The following CDYL2 variants were observed in gnomAD, a reference collection of about 807,000 sequenced individuals.
The protein encoded by CDYL2 is chromodomain Y-like protein 2.
Under a neutral mutation model 49.4 loss-of-function variants are expected in CDYL2, and 23 were observed. The ratio of observed to expected loss-of-function variants is 0.47; its 90% CI spans 0.34 to 0.66. The LOEUF (loss-of-function observed/expected upper bound fraction) is 0.66, where lower values mean the gene tolerates loss of function less well. Among genes scored for constraint, CDYL2 ranks in the 30% least tolerant of loss-of-function variants. The probability of loss-of-function intolerance (pLI) is 0.01; values close to 1 mark genes in which losing one functional copy is unlikely to be tolerated. For missense variants in CDYL2, 678 were observed against 656.4 expected, an observed-to-expected ratio of 1.03 and a Z score of -0.36; for synonymous variants, 360 against 268.8, an observed-to-expected ratio of 1.34 and a Z score of -3.32.
chr16:80,629,462 C>T (rs1301944784), intron 3 of CDYL2, among the ~76,000 whole-genome samples: 2 of 152,202 alleles, frequency 1.3e-5, no homozygotes, highest in Non-Finnish European at 2.9e-5. Flanking sequence ...TGCATGTCTG[C>T]TGTGTTCCTG....
At chr16:80,751,013 C>A (rs949276351) in intron 1 of CDYL2, among the ~76,000 whole-genome samples, 4 of 126,554 alleles carry the variant, frequency 3.2e-5, no homozygotes, top group African/African-American at 1.7e-4. Flanking sequence ...GAGTGAGATT[C>A]CATCTTAAAA....
At position 80,688,616 on chromosome 16, in the gene CDYL2, C is replaced by T. The variant is rs962258129; in HGVS notation, c.25-3487G>A. Reference sequence around the variant, plus strand: ...TTTTCCTGAAACACTGGAATAACCACAAAAAACTCAGGGGAAAGCTGGCTC... The same window carrying T: ...TTTTCCTGAAACACTGGAATAACCATAAAAAACTCAGGGGAAAGCTGGCTC... On this transcript the variant is annotated intron_variant, in intron 1 of 6. Transcript: ENST00000570137. 6.6e-5 allele frequency among the ~76,000 whole-genome samples: 10 copies of T among 152,236 alleles called. No individual in the cohort carries two copies. The East Asian group carries it at 1.5e-3, about 24-fold the overall frequency.
chr16:80,598,915 C>T lies in CDYL2; in HGVS notation c.*5473G>A, dbSNP rs535110258. On this transcript the variant is annotated 3_prime_UTR_variant, in exon 7 of 7. Transcript: ENST00000570137. ...TAGAATAATGGAATTCTTTGGTTCT[C>T]GGTTTTATGAAAGGCAATATTGTCA... 2.6e-5 allele frequency: 4 copies of T among 152,114 alleles called. No individual in the cohort carries two copies. Among genetic ancestry groups the T allele is most frequent in the East Asian group, 3.9e-4 (2 of 5,180 alleles). 9.4% of individuals were successfully genotyped at this position (152,114 alleles called of 1,614,324 possible).
intron 1 of CDYL2, among the ~76,000 whole-genome samples, chr16:80,782,568 C>T (rs78051927): frequency 0.014 from 2,159 of 149,492 alleles, 17 homozygotes; most frequent in Non-Finnish European, 0.023. Context: ...GGCCAATATC[C>T]CTGACAATAT....
chr16:80,783,745 G>C (rs1343933398), intron 1 of CDYL2, among the ~76,000 whole-genome samples: 7 of 152,136 alleles, frequency 4.6e-5, no homozygotes, highest in Non-Finnish European at 7.4e-5. Context: ...CTGATTACAA[G>C]CTACAACATG....
In CDYL2 at chr16:80,781,980, T is replaced by A. The variant is rs150080185; in HGVS notation, c.24+22170A>T. On this transcript the variant is annotated intron_variant, in intron 1 of 6. Transcript: ENST00000570137. ...AAGACATCAATAACCTAACTGCATA[T>A]CTTGAGTAAATTTAAAAAAGAGCAA... Among the ~76,000 whole-genome samples the A allele has an allele frequency of 3.6e-3, 548 of 151,760 alleles. 1 individual carries two copies. The highest frequency in any genetic ancestry group is 0.012 in the African/African-American group (518 of 41,456).
rs1172942853 is a variant in CDYL2, at chr16:80,685,055, C to T, written c.99G>A (p.Gly33=). The T allele has an allele frequency of 1.9e-6, 3 of 1,614,034 alleles. No homozygotes were observed. The highest frequency in any genetic ancestry group is 2.5e-6 in the Non-Finnish European group (3 of 1,180,044). The change falls in exon 2 of 7, where the codon GGG becomes GGA. Residue 33 remains glycine (G), a synonymous_variant. Coordinates refer to ENST00000570137, the MANE Select transcript of CDYL2 (RefSeq NM_152342.4). ...CCGGCTCCCACGTGTCCTCGGTGCT[C>T]CCGTAGCCTTTCCATCGGATAAGAT... ...WEYLIRWKGY[G]STEDTWEPEH...
At chr16:80,616,784 T>A (rs112909112) in intron 4 of CDYL2, among the ~76,000 whole-genome samples, 2 of 152,212 alleles carry the variant, frequency 1.3e-5, no homozygotes, top group Non-Finnish European at 2.9e-5. Context: ...CAAGAACATA[T>A]TAGTGCCAGG....
At chr16:80,682,496 A>C (rs1910006629) in intron 2 of CDYL2, among the ~76,000 whole-genome samples, 1 of 152,194 alleles carries the variant, frequency 6.6e-6, no homozygotes, top group African/African-American at 2.4e-5. Flanking sequence ...CTCACCGCAG[A>C]AGATTGCACA....
At chr16:80,635,050 C>G (rs989710435) in intron 2 of CDYL2, among the ~76,000 whole-genome samples, 10 of 152,180 alleles carry the variant, frequency 6.6e-5, no homozygotes, top group African/African-American at 1.9e-4. Context: ...TGATATCTCT[C>G]ATGAACACAG....
intron 4 of CDYL2, among the ~76,000 whole-genome samples, chr16:80,616,500 C>A (rs1008471389): frequency 1.3e-5 from 2 of 152,142 alleles, no homozygotes; most frequent in Non-Finnish European, 2.9e-5. Context: ...CTGGAGCAAT[C>A]GGCATTTCTC....
chr16:80,685,685 C>T (rs972593322), intron 1 of CDYL2, among the ~76,000 whole-genome samples: 2 of 152,168 alleles, frequency 1.3e-5, no homozygotes, highest in African/African-American at 2.4e-5. Flanking sequence ...CTCATTTTCT[C>T]GTGGACAAAA....
At chr16:80,747,297 G>A (rs932437385) in intron 1 of CDYL2, among the ~76,000 whole-genome samples, 4 of 152,120 alleles carry the variant, frequency 2.6e-5, no homozygotes, top group African/African-American at 7.2e-5. Flanking sequence ...TCAAATCCCA[G>A]CCTGGCAGTT....
intron 1 of CDYL2, among the ~76,000 whole-genome samples, chr16:80,783,557 C>T (rs1402049891): frequency 6.6e-6 from 1 of 152,082 alleles, no homozygotes; most frequent in Non-Finnish European, 1.5e-5. Context: ...ATATGCAGAT[C>T]CACAATAATG....
chr16:80,654,124 G>A (rs1178985797), intron 2 of CDYL2, among the ~76,000 whole-genome samples: 2 of 152,228 alleles, frequency 1.3e-5, no homozygotes, highest in Admixed American at 6.5e-5. Context: ...GGTGATTTGG[G>A]GAAGAAGGGT....
chr16:80,671,538 G>A (rs1567564320), intron 2 of CDYL2, among the ~76,000 whole-genome samples: 2 of 152,102 alleles, frequency 1.3e-5, no homozygotes, highest in South Asian at 2.1e-4. Context: ...AACATGCTCT[G>A]GGCTCTCCTC....
intron 1 of CDYL2, among the ~76,000 whole-genome samples, chr16:80,689,618 G>C (rs1044540463): frequency 6.6e-6 from 1 of 152,192 alleles, no homozygotes; most frequent in Non-Finnish European, 1.5e-5. Context: ...AGCAAAGCAT[G>C]AACCATTGGA....
At chr16:80,789,071 TATC>T (rs1365479320) in intron 1 of CDYL2, among the ~76,000 whole-genome samples, 1 of 152,066 alleles carries the variant, frequency 6.6e-6, no homozygotes, top group African/African-American at 2.4e-5. Flanking sequence ...CACAGTGAGA[TATC>T]ATCTTAAACC....
intron 1 of CDYL2, among the ~76,000 whole-genome samples, chr16:80,707,164 C>G (rs1904433648): frequency 6.6e-6 from 1 of 152,054 alleles, no homozygotes; most frequent in Non-Finnish European, 1.5e-5. Context: ...AATTTTTAGA[C>G]AATAAAAATA....
Sources: gnomAD v4.1 joint callset for allele counts (sites outside exome capture counted in the v4.1 genomes callset) on GRCh38, gnomAD v4.1.1 for gene constraint, MANE v1.5 for transcripts, NCBI Gene and HGNC (gene_info 2026-07-23, HGNC 2026-07-21) for gene names.